PRDM16: variants seen among roughly 807,000 people sequenced by gnomAD.
The protein encoded by PRDM16 is histone-lysine N-methyltransferase PRDM16.
PRDM16 carries 23 observed loss-of-function variants against 110.6 expected under a neutral mutation model. The ratio of observed to expected loss-of-function variants is 0.21; its 90% confidence interval spans 0.15 to 0.29. The LOEUF is 0.29. PRDM16 is among the 10% of genes least tolerant of loss of function. The probability of loss-of-function intolerance (pLI) is 1.00; values close to 1 mark genes in which losing one functional copy is unlikely to be tolerated. For missense variants in PRDM16, 1,615 were observed against 1,794.3 expected (o/e 0.90, Z 1.81); for synonymous variants, 799 against 781.8 (o/e 1.02, Z -0.37).
intron 1 of PRDM16, among the ~76,000 whole-genome samples, chr1:3,169,031 C>T (rs1643994135): frequency 6.6e-6 from 1 of 152,170 alleles, no homozygotes; most frequent in Admixed American, 6.5e-5. Context: ...CAGAAGCCTC[C>T]CCACCCCTGT....
chr1:3,339,143 G>T lies in PRDM16; in HGVS notation c.439-46009G>T, dbSNP rs554316287. Among the ~76,000 whole-genome samples, 12 of 152,298 alleles carry T rather than the reference G, an allele frequency of 7.9e-5. No homozygotes were observed. In the South Asian group the frequency reaches 2.5e-3, roughly 32 times the overall value. ...GTCCCGCCTTTCCGGGTGCTCAGAG[G>T]CATCTCCTGCTCTCTCCTTCTGGAG... On this transcript the variant is annotated intron_variant, in intron 3 of 16. Coordinates refer to ENST00000270722, the MANE Select transcript of PRDM16 (RefSeq NM_022114.4). This position sits in a 1 kb window ranked among gnomAD's most constrained non-coding sequence, Gnocchi z 5.0.
intron 1 of PRDM16, among the ~76,000 whole-genome samples, chr1:3,152,811 A>G (rs1643800742): frequency 1.3e-5 from 2 of 152,182 alleles, no homozygotes; most frequent in Non-Finnish European, 1.5e-5. Flanking sequence ...CCTGAGCCCC[A>G]GGAGGTCCCC....
chr1:3,374,685 A>G (rs952218879), intron 3 of PRDM16, among the ~76,000 whole-genome samples: 2 of 152,198 alleles, frequency 1.3e-5, no homozygotes, highest in Admixed American at 1.3e-4. Context: ...GCATTCTCTA[A>G]GGCAGAGCGC....
rs573325300 is a variant in PRDM16, at chr1:3,112,507, G to A, written c.37+43211G>A. On this transcript the variant is annotated intron_variant, in intron 1 of 16. Transcript: ENST00000270722. ...TTGCACGGGAAGGCTCTGTGTTCCC[G>A]GGCCGGCTTCGCCCCAGGGCCCCGC... Among the ~76,000 whole-genome samples the A allele has an allele frequency of 3.9e-5, 6 of 152,228 alleles. No individual in the cohort carries two copies. The South Asian group carries it at 6.2e-4, about 16-fold the overall frequency.
At chr1:3,194,114 C>T (rs77970146) in intron 2 of PRDM16, among the ~76,000 whole-genome samples, 15,310 of 152,322 alleles carry the variant, frequency 0.1, 910 homozygotes, top group South Asian at 0.15. Context: ...TGCACCAGAC[C>T]GCCGGGCAAG....
At chr1:3,120,582 C>A (rs141780953) in intron 1 of PRDM16, among the ~76,000 whole-genome samples, 2 of 152,170 alleles carry the variant, frequency 1.3e-5, no homozygotes, top group Admixed American at 6.5e-5. Flanking sequence ...GAAAGGAACT[C>A]GGGAGACCCC....
At chr1:3,277,245 C>T (rs937754283) in intron 3 of PRDM16, among the ~76,000 whole-genome samples, 3 of 152,214 alleles carry the variant, frequency 2.0e-5, no homozygotes, top group Admixed American at 6.5e-5. Flanking sequence ...TCTCTGTGCA[C>T]GGCTGGATCT....
chr1:3,154,160 C>G (rs980368336), intron 1 of PRDM16, among the ~76,000 whole-genome samples: 3 of 152,194 alleles, frequency 2.0e-5, no homozygotes, highest in East Asian at 1.9e-4. Flanking sequence ...GTGGCTGTCA[C>G]CGGGACCTGC....
chr1:3,393,410 GT>G lies in PRDM16; in HGVS notation c.574-3080del, dbSNP rs551800380. ...TCTCCCACCATGCTGACTTAGCGCG[GT>G]CTGAGCAGGACCCACCGCGGGTCTC... On this transcript the variant is annotated intron_variant, in intron 4 of 16. Transcript: ENST00000270722. Among the ~76,000 whole-genome samples, 413 of 152,354 alleles carry G rather than the reference GT, an allele frequency of 2.7e-3. 3 individuals carry two copies. Among genetic ancestry groups the G allele is most frequent in the African/African-American group, 9.5e-3 (396 of 41,584 alleles).
chr1:3,297,588 G>A (rs1206948037), intron 3 of PRDM16, among the ~76,000 whole-genome samples: 1 of 152,122 alleles, frequency 6.6e-6, no homozygotes, highest in Non-Finnish European at 1.5e-5. Flanking sequence ...CCGGCCTGAT[G>A]AGAGGATTTT....
At chr1:3,331,169 A>G (rs557911798) in intron 3 of PRDM16, among the ~76,000 whole-genome samples, 7 of 151,972 alleles carry the variant, frequency 4.6e-5, no homozygotes, top group African/African-American at 1.2e-4. Context: ...TGGCCTCCAT[A>G]CCTCCAGCAC....
intron 2 of PRDM16, among the ~76,000 whole-genome samples, chr1:3,212,499 C>A (rs1321948847): frequency 6.6e-6 from 1 of 152,116 alleles, no homozygotes; most frequent in African/African-American, 2.4e-5. Context: ...CTCCTCACAG[C>A]CTCCTGCCTC....
rs12035729 is a variant in PRDM16, at chr1:3,295,416, C to T, written c.438+51279C>T. On this transcript the variant is annotated intron_variant, in intron 3 of 16. Coordinates refer to ENST00000270722, the MANE Select transcript of PRDM16 (RefSeq NM_022114.4). ...CCTCGGGACTTCCATGATGGGCTCACGGAGGTGCGACTTCCTCCCAGATCC... is the reference window on the plus strand; with the variant it reads ...CCTCGGGACTTCCATGATGGGCTCATGGAGGTGCGACTTCCTCCCAGATCC... 0.022 allele frequency among the ~76,000 whole-genome samples: 3,405 copies of T among 152,212 alleles called. 322 individuals carry two copies. In the East Asian group the frequency reaches 0.28, roughly 12 times the overall value.
chr1:3,404,672 G>A, intron 6 of PRDM16, 67 bp from the exon 7 acceptor site: 1 of 1,596,154 alleles, frequency 6.3e-7, no homozygotes, highest in Non-Finnish European at 8.5e-7. Context: ...AAGCTGTATG[G>A]TTGGGGTCCC....
Position 3,201,661 on chromosome 1 carries a change from C to T in PRDM16, c.387+15187C>T, listed in dbSNP as rs1399127443. Among the ~76,000 whole-genome samples the T allele has an allele frequency of 2.0e-5, 3 of 152,226 alleles. No individual in the cohort carries two copies. The highest frequency in any genetic ancestry group is 2.1e-4 in the South Asian group (1 of 4,822). Reference sequence around the variant, plus strand: ...GTTTCTCCAGTGACCCCTGGCAGGTCGGGGACCCCAGCCACTTCCAGCACC... The same window carrying T: ...GTTTCTCCAGTGACCCCTGGCAGGTTGGGGACCCCAGCCACTTCCAGCACC... On this transcript the variant is annotated intron_variant, in intron 2 of 16. Transcript: ENST00000270722. This position sits in a 1 kb window ranked among gnomAD's most constrained non-coding sequence, Gnocchi z 4.1.
At chr1:3,301,333 AAAAAAAAAAAAAAAAAG>A (rs1252636858) in intron 3 of PRDM16, among the ~76,000 whole-genome samples, 3 of 14,006 alleles carry the variant, frequency 2.1e-4, no homozygotes, top group African/African-American at 2.3e-3. Flanking sequence ...ATCCCATCTC[AAAAAAAAAAAAAAAAAG>A]AAAAAAAAAA....
At chr1:3,109,432 T>C (rs1642736714) in intron 1 of PRDM16, among the ~76,000 whole-genome samples, 1 of 152,174 alleles carries the variant, frequency 6.6e-6, no homozygotes, top group Non-Finnish European at 1.5e-5. Flanking sequence ...AGGCTCTCTC[T>C]CCTCCTGCAG....
In PRDM16 at chr1:3,425,164, G is replaced by T. The variant is rs190977658; in HGVS notation, c.2940-417G>T. 6.7e-6 allele frequency: 1 copy of T among 150,172 alleles called. No individual in the cohort carries two copies. The highest frequency in any genetic ancestry group is 2.5e-5 in the African/African-American group (1 of 39,498). 9.3% of individuals were successfully genotyped at this position (150,172 alleles called of 1,614,324 possible). On this transcript the variant is annotated intron_variant, in intron 12 of 16. Coordinates refer to ENST00000270722, the MANE Select transcript of PRDM16 (RefSeq NM_022114.4). This position sits in a 1 kb window ranked among gnomAD's most constrained non-coding sequence, Gnocchi z 6.9. ...GTGATCTTGGCTCACTGCAAGCTCC[G>T]CCTCCCGGGTTCACGCCATTCTCCT...
At position 3,339,108 on chromosome 1, in the gene PRDM16, G is replaced by T. The variant is rs1259930126; in HGVS notation, c.439-46044G>T. Reference sequence around the variant, plus strand: ...GAGCTTCCGTGCACTCCCCTCTCTGGCCTCCCCATGTCCCGCCTTTCCGGG... The same window carrying T: ...GAGCTTCCGTGCACTCCCCTCTCTGTCCTCCCCATGTCCCGCCTTTCCGGG... On this transcript the variant is annotated intron_variant, in intron 3 of 16. Coordinates refer to ENST00000270722, the MANE Select transcript of PRDM16 (RefSeq NM_022114.4). This position sits in a 1 kb window ranked among gnomAD's most constrained non-coding sequence, Gnocchi z 5.0. 6.6e-6 allele frequency among the ~76,000 whole-genome samples: 1 copy of T among 152,092 alleles called. No individual in the cohort carries two copies. Among genetic ancestry groups the T allele is most frequent in the Non-Finnish European group, 1.5e-5 (1 of 68,026 alleles).
Sources: gnomAD v4.1 joint callset for allele counts (sites outside exome capture counted in the v4.1 genomes callset) on GRCh38, gnomAD v4.1.1 for gene constraint, Gnocchi (gnomAD v3.1) non-coding constraint, MANE v1.5 for transcripts, NCBI Gene and HGNC (gene_info 2026-07-23, HGNC 2026-07-21) for gene names.